The following PDE4A variants were observed in gnomAD, a reference collection of about 807,000 sequenced individuals.
The protein encoded by PDE4A is 3',5'-cyclic-AMP phosphodiesterase 4A.
In PDE4A, 21 loss-of-function variants were observed where a neutral mutation model predicts 73.9. That is an observed-to-expected ratio of 0.28 (90% CI 0.20 to 0.41). The LOEUF (loss-of-function observed/expected upper bound fraction) is 0.41, where lower values mean the gene tolerates loss of function less well. PDE4A is among the 10% of genes least tolerant of loss of function. The probability of loss-of-function intolerance (pLI) is 1.00; values close to 1 mark genes in which losing one functional copy is unlikely to be tolerated. For synonymous variants in PDE4A, 463 were observed against 505.4 expected, an observed-to-expected ratio of 0.92 and a Z score of 1.13; for missense variants, 958 against 1,211.4, an observed-to-expected ratio of 0.79 and a Z score of 3.10.
At chr19:10,448,193 G>A (rs200516747) in intron 2 of PDE4A, among the ~76,000 whole-genome samples, 41 of 150,774 alleles carry the variant, frequency 2.7e-4, no homozygotes, top group Middle Eastern at 3.4e-3. Context: ...TCTGCCTCCC[G>A]GGTTCAAGGG....
chr19:10,450,357 C>A (rs1359113773), intron 4 of PDE4A, among the ~76,000 whole-genome samples: 1 of 152,220 alleles, frequency 6.6e-6, no homozygotes, highest in African/African-American at 2.4e-5. Context: ...CAGGACCTGA[C>A]CTTAAGGCGG....
chr19:10,466,665 T>C (rs956461290), intron 14 of PDE4A: 2 of 192,264 alleles, frequency 1.0e-5, no homozygotes, highest in Non-Finnish European at 1.9e-5. Flanking sequence ...AGCTAATTTT[T>C]GTATTTTTGG....
rs2043205192 is a variant in PDE4A at position 10,458,353 on chromosome 19, T to C, written c.1101+251T>C. Among the ~76,000 whole-genome samples the C allele has an allele frequency of 1.3e-5, 2 of 152,176 alleles. No homozygotes were observed. The highest frequency in any genetic ancestry group is 6.5e-5 in the Admixed American group (1 of 15,270). On this transcript the variant is annotated intron_variant, in intron 8 of 14. Coordinates refer to ENST00000380702, the MANE Select transcript of PDE4A (RefSeq NM_001111307.2). The surrounding 1 kb of genome is among the most constrained non-coding windows in gnomAD (Gnocchi z 4.6). ...CCTGTTGGGACTAGTCTTCTGGAAA[T>C]GCAGGCAGCTGTGAGCCTTAGCAGG...
At chr19:10,419,453 T>G (rs2042621601), upstream of PDE4A, 1 of 152,152 alleles carries the variant, frequency 6.6e-6, no homozygotes, top group Non-Finnish European at 1.5e-5. Flanking sequence ...GCTCGCCTGT[T>G]TACTCGCCTG....
rs199599199 is a variant in PDE4A at position 10,450,564 on chromosome 19, C to A, written c.621-39C>A. ...GGAGGCAGGGACCTGGTGGGGGGAC[C>A]CAGGCTGACATTGCAGCCCCATTTT... On this transcript the variant is annotated intron_variant, in intron 4 of 14. Transcript: ENST00000380702. 100 of 1,565,148 alleles carry A rather than the reference C, an allele frequency of 6.4e-5. 1 individual carries two copies. In the African/African-American group the frequency reaches 1.2e-3, roughly 19 times the overall value.
intron 1 of PDE4A, among the ~76,000 whole-genome samples, chr19:10,442,595 C>T (rs902890204): frequency 2.0e-5 from 3 of 151,982 alleles, no homozygotes; most frequent in Non-Finnish European, 4.4e-5. Context: ...TGTCTGTAAT[C>T]CCAGCACTGT....
At chr19:10,456,696 C>T (rs2043175605) in intron 7 of PDE4A, among the ~76,000 whole-genome samples, 1 of 151,238 alleles carries the variant, frequency 6.6e-6, no homozygotes, top group African/African-American at 2.4e-5. Flanking sequence ...CAGCTTGTCT[C>T]AAAAAAACTA....
At position 10,429,262 on chromosome 19, in the gene PDE4A, GGAAA is replaced by G. The variant is rs201340437; in HGVS notation, c.320+8182_320+8185del. ...GGGACGGAGGGGAAAGGAAAGGAAAGGAAAGAAGGAAGGAAGGAAGAAAGAAAGA... is the reference window on the plus strand; with the variant it reads ...GGGACGGAGGGGAAAGGAAAGGAAAGGAAGGAAGGAAGGAAGAAAGAAAGA... On this transcript the variant is annotated intron_variant, in intron 1 of 14. Coordinates refer to ENST00000380702, the MANE Select transcript of PDE4A (RefSeq NM_001111307.2). 2.9e-3 allele frequency among the ~76,000 whole-genome samples: 419 copies of G among 142,586 alleles called. 17 individuals carry two copies. In the East Asian group the frequency reaches 0.071, roughly 24 times the overall value. The allele number at this position is 142,586 out of a possible 152,430, so 93.5% of individuals were successfully genotyped here.
intron 1 of PDE4A, chr19:10,432,489 C>T (rs1232844216): frequency 1.4e-5 from 21 of 1,512,274 alleles, no homozygotes; most frequent in Non-Finnish European, 1.8e-5. Context: ...CCTGGCACTG[C>T]CCCCCACGGG....
intron 6 of PDE4A, among the ~76,000 whole-genome samples, chr19:10,452,690 G>A (rs2043110924): frequency 6.6e-6 from 1 of 152,060 alleles, no homozygotes; most frequent in Non-Finnish European, 1.5e-5. Flanking sequence ...AGTGTCAAGT[G>A]CCTGGATGTG....
At chr19:10,464,161 G>A (rs753717770) in intron 14 of PDE4A, 186 bp downstream of exon 14, 7 of 724,718 alleles carry the variant, frequency 9.7e-6, no homozygotes, top group Admixed American at 2.6e-5. Flanking sequence ...ACAATGGCAC[G>A]ATCTTGGCTC....
At chr19:10,454,559 C>G (rs1599442651) in intron 6 of PDE4A, among the ~76,000 whole-genome samples, 1 of 152,188 alleles carries the variant, frequency 6.6e-6, no homozygotes, top group East Asian at 1.9e-4. Context: ...CTAGCTCCTC[C>G]TTGGGGGAGA....
intron 1 of PDE4A, chr19:10,423,251 C>T (rs1349035010): frequency 2.2e-5 from 10 of 455,462 alleles, no homozygotes; most frequent in South Asian, 9.4e-5. Context: ...CTCTGCCTTC[C>T]GGATTCAAGT....
Position 10,449,922 on chromosome 19 carries a change from CCT to C in PDE4A, c.621-680_621-679del, listed in dbSNP as rs577453084. Among the ~76,000 whole-genome samples, 160 of 150,172 alleles carry C rather than the reference CCT, an allele frequency of 1.1e-3. 1 individual carries two copies. The highest frequency in any genetic ancestry group is 2.0e-3 in the South Asian group (9 of 4,606). On this transcript the variant is annotated intron_variant, in intron 4 of 14. Transcript: ENST00000380702. ...CAGCCCAGGGGAAACAAAATGAGAC[CCT>C]GTCTCTAAAAAAAAAAAAAATTAGC...
In PDE4A at chr19:10,458,250, T is replaced by C. The variant is rs905014895; in HGVS notation, c.1101+148T>C. ...TGAGCCCATCTTGAGGCAAGCATGC[T>C]GGCTCTTTGTACCTCTGTATCATTC... is the stretch of plus-strand genomic sequence containing the variant. On this transcript the variant is annotated intron_variant, in intron 8 of 14. Coordinates refer to ENST00000380702, the MANE Select transcript of PDE4A (RefSeq NM_001111307.2). The surrounding 1 kb of genome is among the most constrained non-coding windows in gnomAD (Gnocchi z 4.6). 1 of 718,142 alleles carries C rather than the reference T, an allele frequency of 1.4e-6. No individual in the cohort carries two copies. Among genetic ancestry groups the C allele is most frequent in the Non-Finnish European group, 2.3e-6 (1 of 435,696 alleles). The allele number at this position is 718,142 out of a possible 1,614,324, so 44.5% of individuals were successfully genotyped here.
At chr19:10,438,358 G>A (rs1310685022) in intron 1 of PDE4A, among the ~76,000 whole-genome samples, 2 of 151,658 alleles carry the variant, frequency 1.3e-5, no homozygotes, top group Non-Finnish European at 2.9e-5. Context: ...TGATCCGCCC[G>A]CCTCCGCCTG....
intron 1 of PDE4A, among the ~76,000 whole-genome samples, chr19:10,441,323 C>T (rs928993632): frequency 6.6e-5 from 10 of 151,984 alleles, no homozygotes; most frequent in East Asian, 1.9e-4. Flanking sequence ...GAGACGGTTT[C>T]GCCATGTTGT....
At chr19:10,454,593 T>C in intron 6 of PDE4A, 1 of 208,726 alleles carries the variant, frequency 4.8e-6, no homozygotes, top group Non-Finnish European at 8.3e-6. Flanking sequence ...CCCTCTTTCC[T>C]CAGGCAGGGA....
chr19:10,429,851 T>C (rs946517702), intron 1 of PDE4A, among the ~76,000 whole-genome samples: 1 of 152,084 alleles, frequency 6.6e-6, no homozygotes, highest in South Asian at 2.1e-4. Flanking sequence ...ATCCCCTGAG[T>C]CTGAAGGCAT....
Sources: allele counts gnomAD v4.1 joint callset (sites outside exome capture counted in the v4.1 genomes callset), GRCh38; gene constraint gnomAD v4.1.1; non-coding constraint Gnocchi (gnomAD v3.1); transcripts MANE v1.5; gene names NCBI Gene and HGNC (gene_info 2026-07-23, HGNC 2026-07-21).